Variants in KIAA0319L observed in about 807,000 individuals in gnomAD.
KIAA0319L encodes the protein KIAA0319 like, also known as dyslexia-associated protein KIAA0319-like protein.
Under a neutral mutation model 120.1 loss-of-function variants are expected in KIAA0319L, and 55 were observed. The ratio of observed to expected loss-of-function variants is 0.46; its 90% CI spans 0.37 to 0.57. The LOEUF is 0.57. Among genes scored for constraint, KIAA0319L ranks in the 20% least tolerant of loss-of-function variants. The pLI is 0.00. For synonymous variants in KIAA0319L, 398 were observed against 471.9 expected (o/e 0.84, Z 2.03); for missense variants, 1,049 against 1,255.3 (o/e 0.84, Z 2.48).
At chr1:35,557,621 G>C (rs1169081888), upstream of KIAA0319L, 5 of 453,280 alleles carry the variant, frequency 1.1e-5, no homozygotes, top group Admixed American at 9.5e-5. Flanking sequence ...TGCCTCCTTC[G>C]CTCGAGCCCC....
At chr1:35,542,601 C>T (rs1274113823) in intron 2 of KIAA0319L, among the ~76,000 whole-genome samples, 1 of 152,164 alleles carries the variant, frequency 6.6e-6, no homozygotes, top group Admixed American at 6.5e-5. Flanking sequence ...TCCATTCTGA[C>T]CCAAACCCTT....
At chr1:35,444,706 C>G (rs546282201) in intron 16 of KIAA0319L, among the ~76,000 whole-genome samples, 1 of 152,340 alleles carries the variant, frequency 6.6e-6, no homozygotes, top group South Asian at 2.1e-4. Flanking sequence ...GGCTACATTC[C>G]TGCTGTCCAC....
In KIAA0319L at chr1:35,437,298, C is replaced by T. The variant is rs1640870501; in HGVS notation, c.2963-2217G>A. On this transcript the variant is annotated intron_variant, in intron 20 of 20. Coordinates refer to ENST00000325722, the MANE Select transcript of KIAA0319L (RefSeq NM_024874.5). The surrounding 1 kb of genome is among the most constrained non-coding windows in gnomAD (Gnocchi z 4.1). ...CTGCCTCAGAAGAGGCATCTGAACTCCATGCTCCCTTTCTCTCCTCTCTTC... is the reference window on the plus strand; with the variant it reads ...CTGCCTCAGAAGAGGCATCTGAACTTCATGCTCCCTTTCTCTCCTCTCTTC... 6.6e-6 allele frequency among the ~76,000 whole-genome samples: 1 copy of T among 152,164 alleles called. No homozygotes were observed. Among genetic ancestry groups the T allele is most frequent in the Non-Finnish European group, 1.5e-5 (1 of 68,028 alleles).
Position 35,470,721 on chromosome 1 carries a change from G to A in KIAA0319L, c.1113+142C>T, listed in dbSNP as rs949475854. 26 of 623,592 alleles carry A rather than the reference G, an allele frequency of 4.2e-5. No individual in the cohort carries two copies. The African/African-American group carries it at 4.4e-4, about 11-fold the overall frequency. 38.6% of individuals were successfully genotyped at this position (623,592 alleles called of 1,614,324 possible). ...AATCATACACTAACAAATACTGGAT[G>A]TCAGCCAGTCAGATTTTTGGAGGAT... is the stretch of plus-strand genomic sequence containing the variant. On this transcript the variant is annotated intron_variant, in intron 6 of 20. Coordinates refer to ENST00000325722, the MANE Select transcript of KIAA0319L (RefSeq NM_024874.5).
intron 3 of KIAA0319L, among the ~76,000 whole-genome samples, chr1:35,504,397 C>G (rs376061718): frequency 6.6e-6 from 1 of 152,208 alleles, no homozygotes; most frequent in African/African-American, 2.4e-5. Flanking sequence ...AAGGTTTCAC[C>G]GTGTTATCCA....
chr1:35,553,710 T>TGAAA (rs35935761), intron 2 of KIAA0319L, among the ~76,000 whole-genome samples: 280 of 149,076 alleles, frequency 1.9e-3, no homozygotes, highest in Middle Eastern at 6.9e-3. Context: ...CAAAAGAACT[T>TGAAA]GAAAGAAAGA....
At position 35,506,172 on chromosome 1, in the gene KIAA0319L, C is replaced by T. The variant is rs1645196259; in HGVS notation, c.666+440G>A. On this transcript the variant is annotated intron_variant, in intron 3 of 20. Coordinates refer to ENST00000325722, the MANE Select transcript of KIAA0319L (RefSeq NM_024874.5). This position sits in a 1 kb window ranked among gnomAD's most constrained non-coding sequence, Gnocchi z 4.0. The stretch of plus-strand genomic sequence containing the variant: ...GCAGGTCAGATCTTAATCTGTAGTA[C>T]CAAGCATGGTTAATTCTGACTGGAA... Among the ~76,000 whole-genome samples the T allele has an allele frequency of 1.3e-5, 2 of 152,136 alleles. No homozygotes were observed.
chr1:35,546,857 A>G (rs373353130), intron 2 of KIAA0319L, among the ~76,000 whole-genome samples: 12 of 152,112 alleles, frequency 7.9e-5, no homozygotes, highest in African/African-American at 2.6e-4. Flanking sequence ...TGGAACCCCC[A>G]TACTTTACTG....
chr1:35,449,255 A>T (rs1299297940), intron 15 of KIAA0319L, among the ~76,000 whole-genome samples: 6 of 152,198 alleles, frequency 3.9e-5, no homozygotes, highest in Non-Finnish European at 8.8e-5. Flanking sequence ...GAAGCTCAGG[A>T]ATTTATACAG....
chr1:35,552,219 G>A (rs1393338310), intron 2 of KIAA0319L, among the ~76,000 whole-genome samples: 1 of 152,178 alleles, frequency 6.6e-6, no homozygotes, highest in Non-Finnish European at 1.5e-5. Context: ...GCATGCGCCT[G>A]TAGTCCCACC....
rs1176628802 is a variant in KIAA0319L at position 35,441,818 on chromosome 1, GT to G, written c.2870+427del. On this transcript the variant is annotated intron_variant, in intron 19 of 20. Coordinates refer to ENST00000325722, the MANE Select transcript of KIAA0319L (RefSeq NM_024874.5). ...GACGCCTGAGCCTGGCTAGCCTAAA[GT>G]GCATGTGTGGAAACATGCACACTCA... Among the ~76,000 whole-genome samples the G allele has an allele frequency of 4.6e-5, 7 of 152,232 alleles. No homozygotes were observed. In the East Asian group the frequency reaches 1.4e-3, roughly 29 times the overall value.
At chr1:35,467,544 C>T (rs143789028) in intron 6 of KIAA0319L, among the ~76,000 whole-genome samples, 316 of 152,226 alleles carry the variant, frequency 2.1e-3, no homozygotes, top group African/African-American at 6.2e-3. Context: ...AGTTTGGATA[C>T]GAATAAGGTA....
chr1:35,516,328 A>G (rs1241747851), intron 2 of KIAA0319L, among the ~76,000 whole-genome samples: 1 of 152,248 alleles, frequency 6.6e-6, no homozygotes, highest in East Asian at 1.9e-4. Context: ...TGAATCCAGC[A>G]GCACATCAAA....
chr1:35,551,062 G>C (rs183287581), intron 2 of KIAA0319L, among the ~76,000 whole-genome samples: 2 of 152,084 alleles, frequency 1.3e-5, no homozygotes, highest in Non-Finnish European at 2.9e-5. Context: ...GAATTAAGTC[G>C]AAAAATATGA....
chr1:35,483,911 T>C (rs1644267452), intron 3 of KIAA0319L, among the ~76,000 whole-genome samples: 9 of 152,176 alleles, frequency 5.9e-5, no homozygotes, highest in Admixed American at 5.2e-4. Context: ...TGGAGGCTCT[T>C]AGCATTCCTT....
rs565213070 is a variant in KIAA0319L at position 35,534,263 on chromosome 1, G to T, written c.142+20087C>A. On this transcript the variant is annotated intron_variant, in intron 2 of 20. Coordinates refer to ENST00000325722, the MANE Select transcript of KIAA0319L (RefSeq NM_024874.5). ...CTAACTGCTACACAAGAATTAATAG[G>T]CTTTGTGTACATATTCTGACTTCTT... 3.3e-5 allele frequency among the ~76,000 whole-genome samples: 5 copies of T among 152,216 alleles called. No homozygotes were observed. The South Asian group carries it at 1.0e-3, about 32-fold the overall frequency.
At chr1:35,507,229 T>G in intron 2 of KIAA0319L, 94 bp from the exon 3 acceptor site, 1 of 1,280,190 alleles carries the variant, frequency 7.8e-7, no homozygotes, top group Non-Finnish European at 1.1e-6. Flanking sequence ...GAGGTTATTT[T>G]GAAGACGAGT....
In KIAA0319L at chr1:35,526,313, A is replaced by G. The variant is rs568250801; in HGVS notation, c.143-19178T>C. 1.5e-4 allele frequency among the ~76,000 whole-genome samples: 22 copies of G among 147,088 alleles called. 1 individual carries two copies. In the South Asian group the frequency reaches 4.4e-3, roughly 30 times the overall value. On this transcript the variant is annotated intron_variant, in intron 2 of 20. Transcript: ENST00000325722. ...CCCACATATATATGTACATATATAC[A>G]TATGTGTATGTGTGTGTATATGTAT...
chr1:35,446,180 A>G (rs1475285940), intron 16 of KIAA0319L, among the ~76,000 whole-genome samples: 2 of 151,944 alleles, frequency 1.3e-5, no homozygotes, highest in Admixed American at 6.6e-5. Flanking sequence ...TGTTCAGACA[A>G]CCTCCGCAAG....
Sources: allele counts gnomAD v4.1 joint callset (sites outside exome capture counted in the v4.1 genomes callset), GRCh38; gene constraint gnomAD v4.1.1; non-coding constraint Gnocchi (gnomAD v3.1); transcripts MANE v1.5; gene names NCBI Gene and HGNC (gene_info 2026-07-23, HGNC 2026-07-21).